The following MMD2 variants were observed in gnomAD, a reference collection of about 807,000 sequenced individuals.
MMD2 encodes monocyte to macrophage differentiation factor 2.
Under a neutral mutation model 33.5 loss-of-function variants are expected in MMD2, and 30 were observed. The ratio of observed to expected loss-of-function variants is 0.90; its 90% CI spans 0.67 to 1.22. The LOEUF (loss-of-function observed/expected upper bound fraction) is 1.22. MMD2 is among the 50% of genes most tolerant of loss of function. MMD2 has a pLI of 0.00. For missense variants in MMD2, 364 were observed against 325.4 expected (o/e 1.12, Z -0.91); for synonymous variants, 129 against 123.0 (o/e 1.05, Z -0.32).
At chr7:4,957,835 G>T (rs1335387969) in intron 1 of MMD2, among the ~76,000 whole-genome samples, 1 of 152,096 alleles carries the variant, frequency 6.6e-6, no homozygotes, top group African/African-American at 2.4e-5. Context: ...GGGAAGGAAG[G>T]GTTCCGTCCT....
intron 1 of MMD2, among the ~76,000 whole-genome samples, chr7:4,934,856 G>A (rs1455266633): frequency 1.3e-5 from 2 of 152,122 alleles, no homozygotes; most frequent in African/African-American, 4.8e-5. Flanking sequence ...GTATGTAAAC[G>A]GGAATAATAT....
chr7:4,898,851 A>T, the MMD2 span, among the ~76,000 whole-genome samples: 1 of 152,114 alleles, frequency 6.6e-6, no homozygotes, highest in African/African-American at 2.4e-5. Context: ...GTGAGCCAAG[A>T]TCACACTATC....
intron 3 of MMD2, 51 bp from the exon 4 acceptor site, chr7:4,916,130 G>C: frequency 6.4e-7 from 1 of 1,555,376 alleles, no homozygotes; most frequent in South Asian, 1.1e-5. Context: ...GCAGGGAAGG[G>C]CCAGTGCCCC....
chr7:4,900,305 T>C, the MMD2 span, among the ~76,000 whole-genome samples: 1 of 152,096 alleles, frequency 6.6e-6, no homozygotes, highest in South Asian at 2.1e-4. Context: ...TTGTGAGGTT[T>C]TGGAAGAGCA....
intron 6 of MMD2, among the ~76,000 whole-genome samples, chr7:4,908,896 CAA>C (rs765437583): frequency 1.5e-3 from 110 of 75,618 alleles, no homozygotes; most frequent in South Asian, 6.5e-3. Context: ...GACTCCATCT[CAA>C]AAAAAAAAAA....
chr7:4,897,958 A>G, the MMD2 span, among the ~76,000 whole-genome samples: 1 of 151,982 alleles, frequency 6.6e-6, no homozygotes, highest in Non-Finnish European at 1.5e-5. Flanking sequence ...GGCTGGTCTC[A>G]AACTCCTGGC....
At chr7:4,921,402 C>T (rs1178417239) in intron 2 of MMD2, among the ~76,000 whole-genome samples, 11 of 151,594 alleles carry the variant, frequency 7.3e-5, no homozygotes, top group African/African-American at 2.7e-4. Flanking sequence ...GGGCAGATCA[C>T]GAGGTCAGGA....
chr7:4,908,412 G>A (rs56374169), intron 6 of MMD2, among the ~76,000 whole-genome samples: 1 of 151,860 alleles, frequency 6.6e-6, no homozygotes, highest in Admixed American at 6.6e-5. Flanking sequence ...AAAGTGCTGG[G>A]ATTATAGGCG....
At chr7:4,915,010 C>T (rs183585916) in intron 4 of MMD2, among the ~76,000 whole-genome samples, 43 of 152,280 alleles carry the variant, frequency 2.8e-4, no homozygotes, top group African/African-American at 9.6e-4. Context: ...CAATGGCTCA[C>T]GCCTGTACTC....
At position 4,946,154 on chromosome 7, in the gene MMD2, CGCGCGCACACCT is replaced by C. The variant is rs1364392470; in HGVS notation, c.47+12805_47+12816del. Among the ~76,000 whole-genome samples the C allele has an allele frequency of 6.6e-6, 1 of 151,542 alleles. No homozygotes were observed. Among genetic ancestry groups the C allele is most frequent in the African/African-American group, 2.4e-5 (1 of 41,232 alleles). Reference sequence around the variant, plus strand: ...CTGCACACGCACGCACACCCACACCCGCGCGCACACCTGCACACATGCACACACACGCGCGCA... The same window carrying C: ...CTGCACACGCACGCACACCCACACCCGCACACATGCACACACACGCGCGCA... On this transcript the variant is annotated intron_variant, in intron 1 of 6. Transcript: ENST00000401401. The surrounding 1 kb of genome is among the most constrained non-coding windows in gnomAD (Gnocchi z 5.0).
intron 1 of MMD2, among the ~76,000 whole-genome samples, chr7:4,957,173 A>AATAT (rs374396898): frequency 7.9e-6 from 1 of 127,338 alleles, no homozygotes; most frequent in African/African-American, 2.7e-5. Flanking sequence ...CAAAAAAAAA[A>AATAT]ATATATATAT....
At chr7:4,897,386 A>G in the MMD2 span, among the ~76,000 whole-genome samples, 3 of 152,198 alleles carry the variant, frequency 2.0e-5, no homozygotes, top group African/African-American at 4.8e-5. Flanking sequence ...ACAAAATAGC[A>G]ATTTCACAAA....
downstream of MMD2, chr7:4,905,960 C>G (rs79650639): frequency 5.0e-3 from 763 of 153,452 alleles, 5 homozygotes; most frequent in African/African-American, 0.018. This position sits in a 1 kb window ranked among gnomAD's most constrained non-coding sequence, Gnocchi z 5.0. Context: ...GCTATCCACA[C>G]AGCATCTCCC....
At chr7:4,921,739 G>T (rs953219003) in intron 2 of MMD2, among the ~76,000 whole-genome samples, 3 of 151,986 alleles carry the variant, frequency 2.0e-5, no homozygotes, top group Admixed American at 2.0e-4. Flanking sequence ...CCAAAGGAAA[G>T]AGGTATCCCG....
At chr7:4,939,524 CAG>C (rs1341508316) in intron 1 of MMD2, among the ~76,000 whole-genome samples, 1 of 152,098 alleles carries the variant, frequency 6.6e-6, no homozygotes, top group Non-Finnish European at 1.5e-5. Context: ...GCCTGGGCGA[CAG>C]AGAGAGACCT....
chr7:4,934,816 T>G (rs1785692534), intron 1 of MMD2, among the ~76,000 whole-genome samples: 1 of 152,214 alleles, frequency 6.6e-6, no homozygotes, highest in South Asian at 2.1e-4. Context: ...TAGGGAAAAT[T>G]GCTTAACGTC....
chr7:4,911,062 G>C (rs1784993552), intron 5 of MMD2, 83 bp downstream of exon 5: 1 of 1,166,918 alleles, frequency 8.6e-7, no homozygotes, highest in African/African-American at 1.5e-5. Flanking sequence ...GATCATCCTG[G>C]ACTCTCGGCA....
intron 4 of MMD2, among the ~76,000 whole-genome samples, chr7:4,915,569 G>A (rs888415162): frequency 5.9e-5 from 9 of 151,592 alleles, no homozygotes; most frequent in South Asian, 4.2e-4. Flanking sequence ...GTGAAACCCC[G>A]TCTCTACTAA....
At chr7:4,918,604 C>A (rs1039636308) in intron 3 of MMD2, among the ~76,000 whole-genome samples, 1 of 151,778 alleles carries the variant, frequency 6.6e-6, no homozygotes, top group East Asian at 1.9e-4. Flanking sequence ...GTGCCTCAGC[C>A]CCCTGAGTAG....
Sources: allele counts gnomAD v4.1 joint callset (sites outside exome capture counted in the v4.1 genomes callset), GRCh38; gene constraint gnomAD v4.1.1; non-coding constraint Gnocchi (gnomAD v3.1); transcripts MANE v1.5; gene names NCBI Gene and HGNC (gene_info 2026-07-23, HGNC 2026-07-21).